The following CD86 variants were observed in gnomAD, a reference collection of about 807,000 sequenced individuals.
CD86 encodes T-lymphocyte activation antigen CD86.
A neutral mutation model predicts 32.1 loss-of-function variants in CD86; 11 were observed. That is an observed-to-expected ratio of 0.34 (90% CI 0.22 to 0.57). The LOEUF (loss-of-function observed/expected upper bound fraction) is 0.57. Among genes scored for constraint, CD86 ranks in the 20% least tolerant of loss-of-function variants. The pLI is 0.86. For missense variants in CD86, 359 were observed against 398.4 expected, an observed-to-expected ratio of 0.90 and a Z score of 0.84; for synonymous variants, 137 against 135.3, an observed-to-expected ratio of 1.01 and a Z score of -0.09.
chr3:122,118,228 A>G, intron 6 of CD86, 135 bp downstream of exon 6: 3 of 711,742 alleles, frequency 4.2e-6, no homozygotes, highest in South Asian at 3.4e-5. Flanking sequence ...GGAAAATAAA[A>G]CTAGTTAAGA....
At chr3:122,097,864 C>A (rs553576948) in intron 2 of CD86, among the ~76,000 whole-genome samples, 1 of 152,164 alleles carries the variant, frequency 6.6e-6, no homozygotes, top group Non-Finnish European at 1.5e-5. Context: ...GAGGAGGCTT[C>A]AGCAGAGGTG....
intron 2 of CD86, among the ~76,000 whole-genome samples, chr3:122,097,862 T>C (rs555859811): frequency 2.0e-5 from 3 of 152,244 alleles, no homozygotes; most frequent in Non-Finnish European, 4.4e-5. Flanking sequence ...ATGAGGAGGC[T>C]TCAGCAGAGG....
chr3:122,062,119 A>G (rs1012717664), intron 1 of CD86, among the ~76,000 whole-genome samples: 2 of 152,080 alleles, frequency 1.3e-5, no homozygotes, highest in African/African-American at 2.4e-5. Context: ...AAAAATGTTC[A>G]TCTTCACTAA....
intron 1 of CD86, among the ~76,000 whole-genome samples, chr3:122,078,715 C>T (rs938746972): frequency 8.5e-5 from 13 of 152,154 alleles, no homozygotes; most frequent in Admixed American, 1.3e-4. Context: ...CATTTGCAAA[C>T]GGGCTTAAAA....
rs555917521 is a variant in CD86 at position 122,114,688 on chromosome 3, A to G, written c.848-3360A>G. Among the ~76,000 whole-genome samples the G allele has an allele frequency of 3.9e-4, 59 of 152,368 alleles. 1 individual carries two copies. Among genetic ancestry groups the G allele is most frequent in the South Asian group, 8.3e-4 (4 of 4,830 alleles). ...ATCAAGTGGGGTTTATTCAAGAAACACAGGTAAGCTCAACATTCAAAAATC... is the reference window on the plus strand; with the variant it reads ...ATCAAGTGGGGTTTATTCAAGAAACGCAGGTAAGCTCAACATTCAAAAATC... On this transcript the variant is annotated intron_variant, in intron 5 of 6. Coordinates refer to ENST00000330540, the MANE Select transcript of CD86 (RefSeq NM_175862.5).
intron 1 of CD86, among the ~76,000 whole-genome samples, chr3:122,088,687 A>C (rs1015144286): frequency 6.6e-6 from 1 of 152,224 alleles, no homozygotes; most frequent in African/African-American, 2.4e-5. Context: ...AAGTGTTGGC[A>C]AGGATGTGGA....
At chr3:122,097,854 G>A (rs913753863) in intron 2 of CD86, among the ~76,000 whole-genome samples, 14 of 152,204 alleles carry the variant, frequency 9.2e-5, no homozygotes, top group African/African-American at 3.1e-4. Context: ...TCTCTATGAT[G>A]AGGAGGCTTC....
intron 5 of CD86, among the ~76,000 whole-genome samples, chr3:122,117,219 C>T (rs1339902232): frequency 6.6e-6 from 1 of 152,172 alleles, no homozygotes; most frequent in Non-Finnish European, 1.5e-5. Flanking sequence ...ACCTCTCTCT[C>T]ACTCTTCCCC....
chr3:122,062,876 T>C (rs2715274), intron 1 of CD86, among the ~76,000 whole-genome samples: 27,662 of 152,152 alleles, frequency 0.18, 2,640 homozygotes, highest in Non-Finnish European at 0.2. Flanking sequence ...ATTTCCTATA[T>C]TTTTAATTGT....
At chr3:122,077,798 A>G (rs1281491210) in intron 1 of CD86, 8 of 985,234 alleles carry the variant, frequency 8.1e-6, no homozygotes, top group Non-Finnish European at 9.6e-6. Flanking sequence ...GTTATTTGGA[A>G]CCAAGCAAGA....
intron 1 of CD86, among the ~76,000 whole-genome samples, chr3:122,078,823 A>G (rs2072589996): frequency 6.6e-6 from 1 of 152,240 alleles, no homozygotes; most frequent in Non-Finnish European, 1.5e-5. Flanking sequence ...TGTAATAATG[A>G]AGGAAATGAA....
rs544953818 is a variant in CD86 at position 122,116,415 on chromosome 3, C to T, written c.848-1633C>T. ...AACATCATTAGTCATCAGGGAAGTA[C>T]AAATTAAAACGATAATGAGATACCA... On this transcript the variant is annotated intron_variant, in intron 5 of 6. Coordinates refer to ENST00000330540, the MANE Select transcript of CD86 (RefSeq NM_175862.5). 7.9e-5 allele frequency among the ~76,000 whole-genome samples: 12 copies of T among 152,120 alleles called. No homozygotes were observed. In the South Asian group the frequency reaches 2.5e-3, roughly 32 times the overall value.
At chr3:122,110,985 G>T (rs911652486) in intron 5 of CD86, among the ~76,000 whole-genome samples, 1 of 152,158 alleles carries the variant, frequency 6.6e-6, no homozygotes, top group Non-Finnish European at 1.5e-5. Context: ...AAAAAATCAG[G>T]AGACTAGATA....
intron 1 of CD86, among the ~76,000 whole-genome samples, chr3:122,081,529 G>T (rs1383914396): frequency 6.6e-6 from 1 of 152,180 alleles, no homozygotes; most frequent in Non-Finnish European, 1.5e-5. Context: ...ATTATTGGAA[G>T]CTTGCAAAGC....
At chr3:122,109,436 A>T in intron 5 of CD86, 28 bp downstream of exon 5, 1 of 1,613,148 alleles carries the variant, frequency 6.2e-7, no homozygotes, top group Non-Finnish European at 8.5e-7. Flanking sequence ...CTCCCCACAG[A>T]CTGTCACTTT....
intron 5 of CD86, among the ~76,000 whole-genome samples, chr3:122,113,648 T>A (rs1454568432): frequency 6.6e-6 from 1 of 152,206 alleles, no homozygotes. Flanking sequence ...ATTTGTATAT[T>A]TTCTTTTCAG....
intron 3 of CD86, among the ~76,000 whole-genome samples, chr3:122,105,004 T>C (rs2107540133): frequency 6.6e-6 from 1 of 152,342 alleles, no homozygotes; most frequent in Admixed American, 6.5e-5. Context: ...TCAACACCTA[T>C]TCTAAAACCA....
chr3:122,104,486 A>AT lies in CD86; in HGVS notation c.400+648dup, dbSNP rs1008653326. On this transcript the variant is annotated intron_variant, in intron 3 of 6. Transcript: ENST00000330540. Reference sequence around the variant, plus strand: ...TTTAAAACTATCACACAGTAAAATTATTTTTTTTTGTTTTGATATACTGTT... The same window carrying AT: ...TTTAAAACTATCACACAGTAAAATTATTTTTTTTTTGTTTTGATATACTGTT... Among the ~76,000 whole-genome samples the AT allele has an allele frequency of 4.6e-5, 7 of 151,500 alleles. No homozygotes were observed. The East Asian group carries it at 5.8e-4, about 13-fold the overall frequency.
At chr3:122,065,947 T>C (rs745604794) in intron 1 of CD86, among the ~76,000 whole-genome samples, 5 of 152,290 alleles carry the variant, frequency 3.3e-5, no homozygotes, top group Non-Finnish European at 5.9e-5. Context: ...GAAAAGTTAA[T>C]GTGTCCATTC....
Sources: allele counts gnomAD v4.1 joint callset (sites outside exome capture counted in the v4.1 genomes callset), GRCh38; gene constraint gnomAD v4.1.1; transcripts MANE v1.5; gene names NCBI Gene and HGNC (gene_info 2026-07-23, HGNC 2026-07-21).